WDR48: variants seen among roughly 807,000 people sequenced by gnomAD.
WDR48 encodes WD repeat-containing protein 48.
A neutral mutation model predicts 94.0 loss-of-function variants in WDR48; 22 were observed. That is an observed-to-expected ratio of 0.23 (90% CI 0.17 to 0.33). WDR48 has a LOEUF of 0.33. WDR48 is among the 10% of genes least tolerant of loss of function. The pLI is 1.00. For synonymous variants in WDR48, 278 were observed against 280.5 expected, an observed-to-expected ratio of 0.99 and a Z score of 0.09; for missense variants, 541 against 813.8, an observed-to-expected ratio of 0.66 and a Z score of 4.08.
intron 1 of WDR48, among the ~76,000 whole-genome samples, chr3:39,060,230 A>ATT (rs2033167563): frequency 6.6e-6 from 1 of 151,774 alleles, no homozygotes; most frequent in Non-Finnish European, 1.5e-5. Flanking sequence ...CCCGTTTTTC[A>ATT]TTTTTCCCTC....
At chr3:39,094,239 G>A (rs2035226985) in intron 18 of WDR48, 173 bp downstream of exon 18, 1 of 1,441,044 alleles carries the variant, frequency 6.9e-7, no homozygotes. Context: ...GATTTTCAGA[G>A]AAGGGATACA....
chr3:39,052,172 G>A (rs1389794225), intron 1 of WDR48, 99 bp downstream of exon 1: 71 of 1,482,710 alleles, frequency 4.8e-5, no homozygotes, highest in Non-Finnish European at 6.1e-5. Context: ...TGGGGTAGCG[G>A]CATGGGGCGA....
chr3:39,093,886 T>G lies in WDR48; in HGVS notation c.1758T>G (p.Ser586=). 2 of 1,608,512 alleles carry G rather than the reference T, an allele frequency of 1.2e-6. No homozygotes were observed. The highest frequency in any genetic ancestry group is 1.7e-6 in the Non-Finnish European group (2 of 1,178,096). ...TGCTTTTTTACAGAGATAGACTCTC[T>G]GCTAGTGACATGCTCCAAGTCCGAA... ...GAKTLKKDRL[S]ASDMLQVRKV... is the part of the protein sequence containing the mutation. Residue 586 remains serine (S), a synonymous_variant, in exon 18 of 19, where the codon TCT becomes TCG. Transcript: ENST00000302313.
chr3:39,072,299 A>G lies in WDR48; in HGVS notation c.673-2427A>G, dbSNP rs536699278. On this transcript the variant is annotated intron_variant, in intron 7 of 18. Transcript: ENST00000302313. ...TCTTTTTATTCCTTTTACTTAGGCA[A>G]TTCATTGCTTGAGGAGCTGGGACAA... Among the ~76,000 whole-genome samples the G allele has an allele frequency of 2.6e-5, 4 of 152,302 alleles. No individual in the cohort carries two copies. In the South Asian group the frequency reaches 6.2e-4, roughly 24 times the overall value.
At chr3:39,075,352 G>T (rs1055057438) in intron 8 of WDR48, among the ~76,000 whole-genome samples, 3 of 152,030 alleles carry the variant, frequency 2.0e-5, no homozygotes, top group Admixed American at 2.0e-4. Context: ...GCAGTCCTTA[G>T]GAAAAGAAAT....
intron 4 of WDR48, 30 bp downstream of exon 4, chr3:39,066,660 G>T (rs200047703): frequency 1.2e-5 from 19 of 1,613,102 alleles, no homozygotes; most frequent in Admixed American, 1.7e-5. Context: ...AGTGTCTTTA[G>T]TGTAATATTG....
intron 1 of WDR48, among the ~76,000 whole-genome samples, chr3:39,057,634 A>AT (rs2032979506): frequency 1.3e-5 from 2 of 152,014 alleles, no homozygotes; most frequent in Non-Finnish European, 2.9e-5. Context: ...TTTTATTTTT[A>AT]TTTTTTTGAG....
chr3:39,068,277 C>G (rs2033728664), intron 5 of WDR48, among the ~76,000 whole-genome samples: 1 of 152,078 alleles, frequency 6.6e-6, no homozygotes. Flanking sequence ...TTCAGTGATA[C>G]TGAGAGTATG....
At chr3:39,052,858 C>G (rs995129841) in intron 1 of WDR48, among the ~76,000 whole-genome samples, 7 of 152,114 alleles carry the variant, frequency 4.6e-5, no homozygotes, top group Admixed American at 3.3e-4. Flanking sequence ...ACATCACACA[C>G]CGGGGCCTGT....
chr3:39,058,009 A>G (rs1471926651), intron 1 of WDR48, among the ~76,000 whole-genome samples: 4 of 152,230 alleles, frequency 2.6e-5, no homozygotes, highest in Non-Finnish European at 5.9e-5. Flanking sequence ...AATAATGACT[A>G]TTGTACATTG....
At chr3:39,089,695 G>A (rs1465000159) in intron 16 of WDR48, 1 of 155,150 alleles carries the variant, frequency 6.4e-6, no homozygotes, top group South Asian at 2.0e-4. Context: ...TATTATTTGT[G>A]TACATAGATG....
intron 8 of WDR48, among the ~76,000 whole-genome samples, chr3:39,076,338 G>A (rs778235864): frequency 6.6e-6 from 1 of 152,192 alleles, no homozygotes; most frequent in Non-Finnish European, 1.5e-5. Context: ...CAACATGTGT[G>A]CAGGCAGCAG....
chr3:39,087,617 TC>T (rs2034878309), intron 14 of WDR48, among the ~76,000 whole-genome samples: 1 of 152,050 alleles, frequency 6.6e-6, no homozygotes, highest in Non-Finnish European at 1.5e-5. Context: ...AGACCCCGTC[TC>T]AAAGAAAAAA....
In WDR48 at chr3:39,063,089, C is replaced by T. The variant is rs1446857989; in HGVS notation, c.88C>T (p.Arg30Ter). Residue 30 changes from arginine to a stop codon, truncating the protein, a stop_gained, in exon 2 of 19, where the codon CGA (arginine) becomes TGA (stop). Coordinates refer to ENST00000302313, the MANE Select transcript of WDR48 (RefSeq NM_020839.4). LOFTEE classifies it high-confidence loss of function. ...TCGAGATGAAGTGGAGAAGTACAAC[C>T]GAAATGGAGTCAATGCTCTGCAGCT... ...VIRDEVEKYN[R>*]NGVNALQLDP... The T allele has an allele frequency of 2.5e-6, 4 of 1,613,860 alleles. No individual in the cohort carries two copies. Among genetic ancestry groups the T allele is most frequent in the Non-Finnish European group, 3.4e-6 (4 of 1,179,978 alleles).
At chr3:39,052,183 A>ACGGGG (rs2032446272) in intron 1 of WDR48, 110 bp downstream of exon 1, 1 of 1,380,024 alleles carries the variant, frequency 7.2e-7, no homozygotes, top group African/African-American at 1.5e-5. Flanking sequence ...CATGGGGCGA[A>ACGGGG]CGGGGCGGGG....
chr3:39,084,158 T>C lies in WDR48; in HGVS notation c.1177T>C (p.Cys393Arg), dbSNP rs965902953. 2.5e-6 allele frequency: 4 copies of C among 1,609,380 alleles called. No homozygotes were observed. The highest frequency in any genetic ancestry group is 3.3e-5 in the Admixed American group (2 of 59,898). ...NVAYWDVLKA[C>R]KVEDLGKVDF... ...TATACTTTCTTTTGATGTATAGGCA[T>C]GTAAAGTTGAAGATCTGGGCAAAGT... The change falls in exon 12 of 19, where the codon TGT becomes CGT. Residue 393 changes from cysteine to arginine, a missense_variant. By Grantham distance (180) the Cys-to-Arg change is radical. Coordinates refer to ENST00000302313, the MANE Select transcript of WDR48 (RefSeq NM_020839.4).
intron 15 of WDR48, among the ~76,000 whole-genome samples, chr3:39,088,892 T>A (rs2034946646): frequency 6.6e-6 from 1 of 152,202 alleles, no homozygotes; most frequent in Admixed American, 6.5e-5. Flanking sequence ...ATATTCTGAC[T>A]TCCACTGTGT....
At chr3:39,070,810 T>G (rs1168746966) in intron 7 of WDR48, among the ~76,000 whole-genome samples, 1 of 152,032 alleles carries the variant, frequency 6.6e-6, no homozygotes, top group Non-Finnish European at 1.5e-5. Flanking sequence ...TCATCTAGCA[T>G]TAGGTATATC....
At chr3:39,071,848 GA>G (rs1575410894) in intron 7 of WDR48, among the ~76,000 whole-genome samples, 1 of 152,002 alleles carries the variant, frequency 6.6e-6, no homozygotes, top group African/African-American at 2.4e-5. Context: ...GGGAAAAAGA[GA>G]TGAGAAAAAA....
Sources: allele counts gnomAD v4.1 joint callset (sites outside exome capture counted in the v4.1 genomes callset), GRCh38; gene constraint gnomAD v4.1.1; transcripts MANE v1.5; gene names NCBI Gene and HGNC (gene_info 2026-07-23, HGNC 2026-07-21).